Variants in PPARGC1A observed in about 807,000 individuals in gnomAD.
PPARGC1A encodes PPARG coactivator 1 alpha, also known as peroxisome proliferator-activated receptor gamma coactivator 1-alpha.
A neutral mutation model predicts 88.7 loss-of-function variants in PPARGC1A; 25 were observed. The observed-to-expected ratio is 0.28, with a 90% CI of 0.21 to 0.39. The LOEUF (loss-of-function observed/expected upper bound fraction) is 0.39, where lower values mean the gene tolerates loss of function less well. Among genes scored for constraint, PPARGC1A ranks in the 10% least tolerant of loss-of-function variants. PPARGC1A has a pLI of 1.00. For synonymous variants in PPARGC1A, 363 were observed against 355.6 expected (o/e 1.02, Z -0.24); for missense variants, 880 against 968.7 (o/e 0.91, Z 1.22).
At chr4:24,016,419 C>T in the PPARGC1A span, among the ~76,000 whole-genome samples, 4 of 152,286 alleles carry the variant, frequency 2.6e-5, no homozygotes, top group South Asian at 6.2e-4. Context: ...CCTCTCTCTG[C>T]TTCAGTTTTA....
the PPARGC1A span, among the ~76,000 whole-genome samples, chr4:23,944,550 A>G: frequency 6.6e-6 from 1 of 152,186 alleles, no homozygotes; most frequent in Non-Finnish European, 1.5e-5. Flanking sequence ...ATCAGATTCC[A>G]AAACACTGTT....
chr4:24,379,968 G>A, the PPARGC1A span, among the ~76,000 whole-genome samples: 1 of 152,048 alleles, frequency 6.6e-6, no homozygotes, highest in Non-Finnish European at 1.5e-5. Flanking sequence ...AGTAAAGACA[G>A]GGTTTCACCA....
chr4:23,826,484 A>C (rs903391453), intron 5 of PPARGC1A, among the ~76,000 whole-genome samples: 3 of 152,094 alleles, frequency 2.0e-5, no homozygotes, highest in Non-Finnish European at 2.9e-5. Flanking sequence ...AAAGAACCTG[A>C]CTCCAAAACG....
the PPARGC1A span, among the ~76,000 whole-genome samples, chr4:23,910,099 A>G: frequency 7.3e-6 from 1 of 136,958 alleles, no homozygotes; most frequent in Non-Finnish European, 1.5e-5. Context: ...TATTTTACAC[A>G]TATATATGTA....
chr4:24,004,821 T>TC, the PPARGC1A span, among the ~76,000 whole-genome samples: 1 of 152,308 alleles, frequency 6.6e-6, no homozygotes, highest in South Asian at 2.1e-4. Flanking sequence ...ATCCTGGCTC[T>TC]CCTCCTTGCT....
chr4:23,865,875 A>C (rs183251110), intron 2 of PPARGC1A, among the ~76,000 whole-genome samples: 1 of 152,108 alleles, frequency 6.6e-6, no homozygotes, highest in African/African-American at 2.4e-5. Context: ...AAATGAGTGG[A>C]AACTAGTATA....
the PPARGC1A span, among the ~76,000 whole-genome samples, chr4:24,095,896 C>A: frequency 1.3e-5 from 2 of 152,160 alleles, no homozygotes; most frequent in Non-Finnish European, 2.9e-5. Context: ...GAAGCCCTCA[C>A]GGCAGCCTCA....
At chr4:23,965,820 T>A in the PPARGC1A span, among the ~76,000 whole-genome samples, 5 of 152,194 alleles carry the variant, frequency 3.3e-5, no homozygotes, top group Non-Finnish European at 7.3e-5. Flanking sequence ...TTTGGAACTG[T>A]AATGCCTCCT....
At chr4:24,387,820 GAAAGAGAGAAAGAGAGAA>G in the PPARGC1A span, among the ~76,000 whole-genome samples, 1 of 68,024 alleles carries the variant, frequency 1.5e-5, no homozygotes, top group East Asian at 4.6e-4. Flanking sequence ...AAGAAAGAAA[GAAAGAGAGAAAGAGAGAA>G]AGAGAGAGAG....
chr4:24,419,916 C>G, the PPARGC1A span, among the ~76,000 whole-genome samples: 57 of 152,214 alleles, frequency 3.7e-4, no homozygotes, highest in East Asian at 8.3e-3. Flanking sequence ...ATCCAGGCAA[C>G]CTTGTGTATT....
chr4:24,261,129 C>T, the PPARGC1A span, among the ~76,000 whole-genome samples: 7 of 152,202 alleles, frequency 4.6e-5, no homozygotes, highest in African/African-American at 1.7e-4. Context: ...CCTTTCCACC[C>T]TACTGGGAGA....
At chr4:23,873,759 C>A (rs1714083582) in intron 2 of PPARGC1A, among the ~76,000 whole-genome samples, 2 of 151,736 alleles carry the variant, frequency 1.3e-5, no homozygotes, top group Non-Finnish European at 2.9e-5. Context: ...TAGAGAATTT[C>A]ATGACAATTA....
the PPARGC1A span, among the ~76,000 whole-genome samples, chr4:23,913,075 G>A: frequency 6.7e-6 from 1 of 149,784 alleles, no homozygotes. Context: ...AAAGTGCTGG[G>A]ATTACAGGCG....
intron 2 of PPARGC1A, among the ~76,000 whole-genome samples, chr4:23,870,514 T>C (rs1713075028): frequency 1.3e-5 from 2 of 152,214 alleles, no homozygotes; most frequent in South Asian, 4.1e-4. Flanking sequence ...ACTGTCACCA[T>C]TTCATGAATT....
At chr4:24,303,873 A>C in the PPARGC1A span, among the ~76,000 whole-genome samples, 1 of 152,232 alleles carries the variant, frequency 6.6e-6, no homozygotes, top group African/African-American at 2.4e-5. Context: ...TAAACTCTGT[A>C]TTGCTCAAAT....
At chr4:24,444,177 GCA>G in the PPARGC1A span, among the ~76,000 whole-genome samples, 2 of 152,014 alleles carry the variant, frequency 1.3e-5, no homozygotes, top group Non-Finnish European at 2.9e-5. Context: ...GACTACACAG[GCA>G]CACACCACCA....
the PPARGC1A span, among the ~76,000 whole-genome samples, chr4:24,438,111 G>A: frequency 6.6e-6 from 1 of 152,172 alleles, no homozygotes; most frequent in Non-Finnish European, 1.5e-5. Flanking sequence ...GGGTCGCCAG[G>A]GAGATGGAGA....
chr4:24,405,928 G>A, the PPARGC1A span, among the ~76,000 whole-genome samples: 5 of 146,436 alleles, frequency 3.4e-5, no homozygotes, highest in South Asian at 1.1e-3. Context: ...CCTCCTTCTT[G>A]CCTTCTTTTC....
At chr4:24,389,824 A>T in the PPARGC1A span, among the ~76,000 whole-genome samples, 2,813 of 152,254 alleles carry the variant, frequency 0.018, 74 homozygotes, top group African/African-American at 0.064. Flanking sequence ...AACAATTCAA[A>T]TGACAGGATT....
Sources: allele counts gnomAD v4.1 joint callset (sites outside exome capture counted in the v4.1 genomes callset), GRCh38; gene constraint gnomAD v4.1.1; transcripts MANE v1.5; gene names NCBI Gene and HGNC (gene_info 2026-07-23, HGNC 2026-07-21).